CDC42BPA: variants seen among roughly 807,000 people sequenced by gnomAD.
The protein encoded by CDC42BPA is CDC42 binding protein kinase alpha, also known as serine/threonine-protein kinase MRCK alpha.
CDC42BPA carries 80 observed loss-of-function variants against 223.5 expected under a neutral mutation model. That is an observed-to-expected ratio of 0.36 (90% CI 0.30 to 0.43). CDC42BPA has a LOEUF of 0.43. Ranked by LOEUF, CDC42BPA falls within the 20% of genes least tolerant of loss-of-function variation. CDC42BPA has a pLI of 1.00. For synonymous variants in CDC42BPA, 694 were observed against 718.6 expected (o/e 0.97, Z 0.55); for missense variants, 1,743 against 2,099.9 (o/e 0.83, Z 3.32).
intron 5 of CDC42BPA, chr1:227,183,134 T>C (rs911919009): frequency 1.3e-5 from 2 of 152,244 alleles, no homozygotes; most frequent in African/African-American, 4.8e-5. Flanking sequence ...CTCCCTTTTA[T>C]ATATACATAT....
intron 16 of CDC42BPA, 123 bp from the exon 17 acceptor site, chr1:227,081,140 A>G (rs182276633): frequency 1.7e-4 from 146 of 881,016 alleles, no homozygotes; most frequent in Admixed American, 5.9e-4. Flanking sequence ...TATTATAATA[A>G]TCCCTTTTGC....
intron 34 of CDC42BPA, among the ~76,000 whole-genome samples, chr1:227,008,699 T>C (rs1160408953): frequency 3.3e-5 from 5 of 152,188 alleles, no homozygotes; most frequent in Admixed American, 2.6e-4. Flanking sequence ...TTAATACCAC[T>C]TGAAAAGCTC....
At chr1:227,068,912 A>T (rs1451605005) in intron 21 of CDC42BPA, 1 of 168,310 alleles carries the variant, frequency 5.9e-6, no homozygotes, top group Non-Finnish European at 1.3e-5. Context: ...CCTTTTCCTA[A>T]AGGAACGAAA....
intron 23 of CDC42BPA, among the ~76,000 whole-genome samples, chr1:227,045,089 A>G (rs1572454237): frequency 6.6e-6 from 1 of 152,206 alleles, no homozygotes; most frequent in African/African-American, 2.4e-5. Context: ...TCTGTGTACA[A>G]TTCCTTCTTC....
At chr1:227,143,923 G>A (rs1273994916) in intron 8 of CDC42BPA, among the ~76,000 whole-genome samples, 1 of 152,156 alleles carries the variant, frequency 6.6e-6, no homozygotes, top group Non-Finnish European at 1.5e-5. Flanking sequence ...AATTTGGAAT[G>A]ATTCATAATT....
chr1:227,210,293 T>C (rs1163531038), intron 3 of CDC42BPA, among the ~76,000 whole-genome samples: 1 of 152,184 alleles, frequency 6.6e-6, no homozygotes, highest in Admixed American at 6.5e-5. Context: ...TTAAACTTTC[T>C]TTGTATGGTC....
At chr1:227,248,774 G>T (rs1179672781) in intron 2 of CDC42BPA, among the ~76,000 whole-genome samples, 1 of 152,000 alleles carries the variant, frequency 6.6e-6, no homozygotes, top group Non-Finnish European at 1.5e-5. Context: ...ACTGATGAAA[G>T]AAACTGAAGA....
chr1:227,318,363 C>G lies in CDC42BPA; in HGVS notation c.-1181G>C, dbSNP rs1273409061. On this transcript the variant is annotated 5_prime_UTR_variant, in exon 1 of 37. Coordinates refer to ENST00000366766, the MANE Select transcript of CDC42BPA (RefSeq NM_001394014.1). ...GCTGCGGCAGCCCGGCTCCCAACCACTCCCTTCCTCTCCCTTCCAGCCCTC... is the reference window on the plus strand; with the variant it reads ...GCTGCGGCAGCCCGGCTCCCAACCAGTCCCTTCCTCTCCCTTCCAGCCCTC... The G allele has an allele frequency of 6.6e-6, 1 of 152,058 alleles. No individual in the cohort carries two copies. Among genetic ancestry groups the G allele is most frequent in the East Asian group, 1.9e-4 (1 of 5,134 alleles). The allele number at this position is 152,058 out of a possible 1,614,324, so 9.4% of individuals were successfully genotyped here.
intron 11 of CDC42BPA, among the ~76,000 whole-genome samples, chr1:227,123,073 C>G (rs1688941394): frequency 6.6e-6 from 1 of 152,162 alleles, no homozygotes; most frequent in Admixed American, 6.5e-5. Context: ...GAGGCCGAGG[C>G]TGGCAGATCA....
intron 4 of CDC42BPA, among the ~76,000 whole-genome samples, chr1:227,196,514 T>C (rs1315632550): frequency 6.6e-6 from 1 of 151,916 alleles, no homozygotes; most frequent in Non-Finnish European, 1.5e-5. Flanking sequence ...TAATTTTTTG[T>C]ATTTTTAGTA....
chr1:227,204,170 A>G (rs1457356455), intron 3 of CDC42BPA, among the ~76,000 whole-genome samples: 1 of 152,354 alleles, frequency 6.6e-6, no homozygotes, highest in East Asian at 1.9e-4. Context: ...TAAATCAGTG[A>G]AATTTTAAAT....
chr1:227,193,973 T>C (rs745535503), intron 4 of CDC42BPA, 39 bp from the exon 5 acceptor site: 2 of 1,485,894 alleles, frequency 1.3e-6, no homozygotes, highest in Admixed American at 1.9e-5. Flanking sequence ...AGTAAACTAA[T>C]AAGGGTGAAA....
chr1:227,155,584 A>G (rs1271413346), intron 6 of CDC42BPA, among the ~76,000 whole-genome samples: 1 of 152,206 alleles, frequency 6.6e-6, no homozygotes, highest in Non-Finnish European at 1.5e-5. Flanking sequence ...TCCAGTATGA[A>G]TATCTCCATG....
chr1:227,250,631 T>G (rs1681823934), intron 2 of CDC42BPA, among the ~76,000 whole-genome samples: 1 of 151,990 alleles, frequency 6.6e-6, no homozygotes, highest in Non-Finnish European at 1.5e-5. Context: ...GAAGTGTGTG[T>G]GTGTGTGTAT....
At chr1:227,000,834 A>G (rs1336952899) in intron 35 of CDC42BPA, among the ~76,000 whole-genome samples, 1 of 151,742 alleles carries the variant, frequency 6.6e-6, no homozygotes, top group African/African-American at 2.4e-5. Context: ...AAAAAAATCA[A>G]GGCAGGGCTG....
At chr1:227,281,869 A>G (rs1187631888) in intron 1 of CDC42BPA, among the ~76,000 whole-genome samples, 2 of 152,128 alleles carry the variant, frequency 1.3e-5, no homozygotes, top group Admixed American at 6.5e-5. Context: ...CAGAGCAGTC[A>G]ATCAGGAAAA....
rs148218646 is a variant in CDC42BPA, at chr1:227,162,785, G to A, written c.600-2149C>T. On this transcript the variant is annotated intron_variant, in intron 5 of 36. Coordinates refer to ENST00000366766, the MANE Select transcript of CDC42BPA (RefSeq NM_001394014.1). ...TGGGAGGTCAAGGCTGCAGTGAGCC[G>A]TGACTGTGTCACTACACTCCAGCCT... is the stretch of plus-strand genomic sequence containing the variant. Among the ~76,000 whole-genome samples, 11 of 152,178 alleles carry A rather than the reference G, an allele frequency of 7.2e-5. No individual in the cohort carries two copies. In the East Asian group the frequency reaches 1.2e-3, roughly 16 times the overall value.
intron 21 of CDC42BPA, among the ~76,000 whole-genome samples, chr1:227,054,897 A>G (rs1674245042): frequency 6.6e-6 from 1 of 152,052 alleles, no homozygotes; most frequent in South Asian, 2.1e-4. Context: ...TCTTAAATAA[A>G]AATCAATTTC....
chr1:227,273,403 T>TA (rs777554884), intron 1 of CDC42BPA, among the ~76,000 whole-genome samples: 12 of 147,138 alleles, frequency 8.2e-5, no homozygotes, highest in Non-Finnish European at 1.3e-4. Flanking sequence ...CCATCTCTAC[T>TA]AAAAAAATAC....
Sources: allele counts gnomAD v4.1 joint callset (sites outside exome capture counted in the v4.1 genomes callset), GRCh38; gene constraint gnomAD v4.1.1; transcripts MANE v1.5; gene names NCBI Gene and HGNC (gene_info 2026-07-23, HGNC 2026-07-21).